The following NOL4 variants were observed in gnomAD, a reference collection of about 807,000 sequenced individuals.
The protein encoded by NOL4 is nucleolar protein 4, also known as cancer/testis antigen 125.
NOL4 carries 17 observed loss-of-function variants against 75.9 expected under a neutral mutation model. The ratio of observed to expected loss-of-function variants is 0.22; its 90% CI spans 0.15 to 0.34. The LOEUF is 0.34. Among genes scored for constraint, NOL4 ranks in the 10% least tolerant of loss-of-function variants. NOL4 has a pLI of 1.00. For missense variants in NOL4, 614 were observed against 793.5 expected, an observed-to-expected ratio of 0.77 and a Z score of 2.72; for synonymous variants, 292 against 289.9, an observed-to-expected ratio of 1.01 and a Z score of -0.07.
chr18:33,988,509 C>T (rs1426659480), intron 6 of NOL4, among the ~76,000 whole-genome samples: 4 of 152,208 alleles, frequency 2.6e-5, no homozygotes, highest in African/African-American at 7.2e-5. Context: ...GGCAGCTCCT[C>T]TTTCATAGTT....
At chr18:33,875,874 T>C (rs2063912203) in intron 10 of NOL4, among the ~76,000 whole-genome samples, 2 of 151,916 alleles carry the variant, frequency 1.3e-5, no homozygotes. Flanking sequence ...TAATGGGAAA[T>C]TTTCTTGAAA....
intron 5 of NOL4, among the ~76,000 whole-genome samples, chr18:34,030,115 A>C (rs2075561422): frequency 6.6e-6 from 1 of 152,196 alleles, no homozygotes; most frequent in East Asian, 1.9e-4. Context: ...TAAAGTAATG[A>C]TCTAAATAAA....
At chr18:33,943,560 T>C (rs1192641560) in intron 8 of NOL4, among the ~76,000 whole-genome samples, 4 of 151,648 alleles carry the variant, frequency 2.6e-5, no homozygotes, top group African/African-American at 9.7e-5. Context: ...CAAAAACAAG[T>C]GACAGGGCTA....
rs187220661 is a variant in NOL4 at position 34,037,727 on chromosome 18, G to C, written c.773-18126C>G. On this transcript the variant is annotated intron_variant, in intron 5 of 10. Transcript: ENST00000261592. ...ACTCATATGCCAAAAAATGAAACTG[G>C]ATCCATATTTCTCACCGTATATAAA... 3.5e-3 allele frequency among the ~76,000 whole-genome samples: 532 copies of C among 152,122 alleles called. 2 individuals are homozygous for C. Among genetic ancestry groups the C allele is most frequent in the Non-Finnish European group, 4.3e-3 (295 of 67,968 alleles).
At chr18:34,094,631 G>A (rs1225037043) in intron 4 of NOL4, among the ~76,000 whole-genome samples, 1 of 152,122 alleles carries the variant, frequency 6.6e-6, no homozygotes, top group African/African-American at 2.4e-5. Context: ...GGAAGGCCCG[G>A]GAAACCTGTG....
intron 8 of NOL4, among the ~76,000 whole-genome samples, chr18:33,946,473 C>T (rs1292038924): frequency 1.3e-5 from 2 of 151,652 alleles, no homozygotes; most frequent in Non-Finnish European, 3.0e-5. Flanking sequence ...AATTATGCAG[C>T]GATGTATGTG....
At chr18:33,961,318 G>A (rs2070109040) in intron 6 of NOL4, among the ~76,000 whole-genome samples, 1 of 152,038 alleles carries the variant, frequency 6.6e-6, no homozygotes, top group African/African-American at 2.4e-5. Context: ...GTGTGTGTAG[G>A]GTGGGTGAGG....
At chr18:34,068,398 T>G (rs1255428980) in intron 5 of NOL4, among the ~76,000 whole-genome samples, 2 of 152,106 alleles carry the variant, frequency 1.3e-5, no homozygotes, top group African/African-American at 4.8e-5. Context: ...ATTTTTTAAT[T>G]TTTTAATTTT....
At chr18:33,959,658 A>G (rs568962667) in intron 6 of NOL4, among the ~76,000 whole-genome samples, 1 of 152,094 alleles carries the variant, frequency 6.6e-6, no homozygotes, top group South Asian at 2.1e-4. Flanking sequence ...ATCACATACA[A>G]TAAAGCAAAT....
At chr18:34,051,449 GAATT>G (rs1600402640) in intron 5 of NOL4, among the ~76,000 whole-genome samples, 1 of 151,924 alleles carries the variant, frequency 6.6e-6, no homozygotes, top group Non-Finnish European at 1.5e-5. Flanking sequence ...TATAGTTTAA[GAATT>G]ATTTGCTAAA....
At chr18:33,886,831 ATATCTATATATC>A (rs1568009416) in intron 9 of NOL4, among the ~76,000 whole-genome samples, 12 of 136,202 alleles carry the variant, frequency 8.8e-5, no homozygotes, top group African/African-American at 2.7e-4. Context: ...ATATACATAT[ATATCTATATATC>A]TAGATATATC....
At chr18:34,181,488 C>T (rs2034027535) in intron 1 of NOL4, among the ~76,000 whole-genome samples, 2 of 151,488 alleles carry the variant, frequency 1.3e-5, no homozygotes, top group East Asian at 1.9e-4. Flanking sequence ...CAGAAGTACA[C>T]ATCATTATGA....
At chr18:33,865,985 T>G (rs1011017711) in intron 10 of NOL4, among the ~76,000 whole-genome samples, 2 of 152,112 alleles carry the variant, frequency 1.3e-5, no homozygotes, top group Non-Finnish European at 2.9e-5. Flanking sequence ...AAGCAAGAAA[T>G]GTATCACTGT....
At chr18:33,859,582 A>G (rs182325682) in intron 10 of NOL4, among the ~76,000 whole-genome samples, 13 of 152,060 alleles carry the variant, frequency 8.5e-5, no homozygotes, top group Non-Finnish European at 1.8e-4. Context: ...TTGAGGCTTT[A>G]TTATTGGGGT....
At chr18:33,936,573 T>C (rs1188420430) in intron 9 of NOL4, among the ~76,000 whole-genome samples, 3 of 152,066 alleles carry the variant, frequency 2.0e-5, no homozygotes, top group Non-Finnish European at 4.4e-5. Context: ...CAGTCAACCA[T>C]TGGTTTCCCG....
intron 1 of NOL4, among the ~76,000 whole-genome samples, chr18:34,196,973 A>G (rs2035374831): frequency 6.6e-6 from 1 of 152,044 alleles, no homozygotes; most frequent in Non-Finnish European, 1.5e-5. Context: ...GATATCAAAC[A>G]ATAGGTATAG....
At chr18:34,151,985 C>G (rs968745400) in intron 1 of NOL4, among the ~76,000 whole-genome samples, 4 of 151,524 alleles carry the variant, frequency 2.6e-5, no homozygotes, top group African/African-American at 9.7e-5. Flanking sequence ...GTAAACTATG[C>G]TTGATCAATT....
At position 34,098,320 on chromosome 18, in the gene NOL4, G is replaced by A. The variant is rs368529008; in HGVS notation, c.640-4723C>T. Among the ~76,000 whole-genome samples, 11 of 152,262 alleles carry A rather than the reference G, an allele frequency of 7.2e-5. No homozygotes were observed. The East Asian group carries it at 1.5e-3, about 21-fold the overall frequency. ...CAGCTGCCATACAATAAAGCTGTCAGTTAAGAAGTCTTACTACCCTGAGAC... is the reference window on the plus strand; with the variant it reads ...CAGCTGCCATACAATAAAGCTGTCAATTAAGAAGTCTTACTACCCTGAGAC... On this transcript the variant is annotated intron_variant, in intron 4 of 10. Coordinates refer to ENST00000261592, the MANE Select transcript of NOL4 (RefSeq NM_003787.5).
chr18:34,040,875 C>T (rs1248125082), intron 5 of NOL4, among the ~76,000 whole-genome samples: 4 of 151,854 alleles, frequency 2.6e-5, no homozygotes, highest in African/African-American at 9.7e-5. Context: ...TTTATATTCA[C>T]GTCCTTTAAT....
Sources: allele counts gnomAD v4.1 joint callset (sites outside exome capture counted in the v4.1 genomes callset), GRCh38; gene constraint gnomAD v4.1.1; transcripts MANE v1.5; gene names NCBI Gene and HGNC (gene_info 2026-07-23, HGNC 2026-07-21).